Variants in HPSE2 observed in about 807,000 individuals in gnomAD.
HPSE2 encodes the protein inactive heparanase-2.
Under a neutral mutation model 60.5 loss-of-function variants are expected in HPSE2, and 38 were observed. The ratio of observed to expected loss-of-function variants is 0.63; its 90% CI spans 0.48 to 0.82. The LOEUF is 0.82. HPSE2 is among the 40% of genes least tolerant of loss of function. The probability of loss-of-function intolerance (pLI) is 0.00; values close to 1 mark genes in which losing one functional copy is unlikely to be tolerated. For missense variants in HPSE2, 713 were observed against 740.4 expected, an observed-to-expected ratio of 0.96 and a Z score of 0.43; for synonymous variants, 295 against 293.2, an observed-to-expected ratio of 1.01 and a Z score of -0.06.
chr10:99,310,584 G>A, the HPSE2 span, among the ~76,000 whole-genome samples: 1 of 152,110 alleles, frequency 6.6e-6, no homozygotes, highest in African/African-American at 2.4e-5. Flanking sequence ...CTACCCAGTG[G>A]AATGTAAATA....
chr10:98,674,657 G>A (rs910535801), intron 6 of HPSE2, among the ~76,000 whole-genome samples: 1 of 152,340 alleles, frequency 6.6e-6, no homozygotes, highest in Admixed American at 6.5e-5. Context: ...ATTCAGGTCT[G>A]TAATCCCAGC....
chr10:98,916,767 A>G (rs1335676395), intron 3 of HPSE2, among the ~76,000 whole-genome samples: 1 of 152,258 alleles, frequency 6.6e-6, no homozygotes, highest in Non-Finnish European at 1.5e-5. Flanking sequence ...ATAGTCAGAT[A>G]ATCTATTCTG....
In HPSE2 at chr10:98,458,694, G is replaced by A. The variant is rs1286095824; in HGVS notation, c.*880C>T. 1.3e-5 allele frequency: 2 copies of A among 152,038 alleles called. No individual in the cohort carries two copies. The highest frequency in any genetic ancestry group is 4.8e-5 in the African/African-American group (2 of 41,446). 9.4% of individuals were successfully genotyped at this position (152,038 alleles called of 1,614,324 possible). A position where few individuals can be genotyped will look rare whatever the true frequency, so the allele number is the denominator to read the frequency against. On this transcript the variant is annotated 3_prime_UTR_variant, in exon 12 of 12. Coordinates refer to ENST00000370552, the MANE Select transcript of HPSE2 (RefSeq NM_021828.5). ...GGTCTAATTTGCTTTGTCCAGTTGG[G>A]GTGTGTGTGTGTACCTGATGTTTCA...
chr10:98,590,209 G>A (rs1030927729), intron 9 of HPSE2, among the ~76,000 whole-genome samples: 1 of 152,240 alleles, frequency 6.6e-6, no homozygotes, highest in Non-Finnish European at 1.5e-5. Context: ...TTGGGAGGCC[G>A]AGGCAGGTGG....
chr10:98,900,930 A>G (rs1269883866), intron 3 of HPSE2, among the ~76,000 whole-genome samples: 1 of 152,232 alleles, frequency 6.6e-6, no homozygotes, highest in Non-Finnish European at 1.5e-5. Flanking sequence ...TATTAATAGT[A>G]GCTAAAAACT....
chr10:98,476,222 G>A (rs1355082005), intron 11 of HPSE2, among the ~76,000 whole-genome samples: 24 of 146,114 alleles, frequency 1.6e-4, no homozygotes, highest in Non-Finnish European at 2.3e-4. Context: ...CTAACACAAG[G>A]ACAAAAAACC....
At chr10:98,967,883 G>C (rs1277620627) in intron 3 of HPSE2, among the ~76,000 whole-genome samples, 2 of 151,918 alleles carry the variant, frequency 1.3e-5, no homozygotes, top group Non-Finnish European at 2.9e-5. Context: ...CAAAAGGAGA[G>C]GGAATATCTG....
At chr10:99,240,256 C>G (rs886308049), upstream of HPSE2, among the ~76,000 whole-genome samples, 1 of 151,974 alleles carries the variant, frequency 6.6e-6, no homozygotes, top group Non-Finnish European at 1.5e-5. Context: ...TCATCTCAGA[C>G]AAGTGGAAAT....
chr10:98,470,119 G>GTGTGTGTGTGTA (rs1435120102), intron 11 of HPSE2, among the ~76,000 whole-genome samples: 3 of 152,204 alleles, frequency 2.0e-5, no homozygotes, highest in African/African-American at 7.2e-5. Flanking sequence ...GTGTGTGTGT[G>GTGTGTGTGTGTA]TGTGTGTATG....
At chr10:98,802,841 TG>T (rs1343318082) in intron 3 of HPSE2, among the ~76,000 whole-genome samples, 1 of 144,110 alleles carries the variant, frequency 6.9e-6, no homozygotes, top group Non-Finnish European at 1.5e-5. Context: ...TACCCAGTAA[TG>T]GGATGGCTGG....
chr10:98,606,694 T>C (rs1945597107), intron 9 of HPSE2, among the ~76,000 whole-genome samples: 1 of 152,218 alleles, frequency 6.6e-6, no homozygotes, highest in African/African-American at 2.4e-5. Context: ...AGGTATCTAA[T>C]GACTGACAGA....
intron 3 of HPSE2, among the ~76,000 whole-genome samples, chr10:98,869,152 T>G (rs898298247): frequency 6.6e-6 from 1 of 152,182 alleles, no homozygotes; most frequent in African/African-American, 2.4e-5. Context: ...TAGTGATTTT[T>G]TTTTGTCTGC....
chr10:98,662,825 C>T (rs2134090454), intron 6 of HPSE2, among the ~76,000 whole-genome samples: 2 of 152,280 alleles, frequency 1.3e-5, no homozygotes, highest in South Asian at 4.1e-4. Flanking sequence ...TAATCAGCAT[C>T]TAATACATGC....
intron 7 of HPSE2, among the ~76,000 whole-genome samples, chr10:98,621,556 C>T (rs1946074544): frequency 6.6e-6 from 1 of 152,106 alleles, no homozygotes; most frequent in Admixed American, 6.5e-5. Context: ...GACTGGGGGA[C>T]TGAAATAGGG....
intron 3 of HPSE2, among the ~76,000 whole-genome samples, chr10:98,798,540 C>G (rs1158665465): frequency 6.6e-6 from 1 of 152,026 alleles, no homozygotes; most frequent in African/African-American, 2.4e-5. Context: ...ATAGGCAGTA[C>G]AGTAAGACAT....
intron 3 of HPSE2, among the ~76,000 whole-genome samples, chr10:99,080,247 A>G (rs1564790681): frequency 6.6e-6 from 1 of 152,158 alleles, no homozygotes; most frequent in Non-Finnish European, 1.5e-5. Context: ...TGTTGGCCTA[A>G]TATTCCTTGT....
At chr10:99,078,721 T>A (rs1254194576) in intron 3 of HPSE2, among the ~76,000 whole-genome samples, 2 of 152,228 alleles carry the variant, frequency 1.3e-5, no homozygotes, top group Non-Finnish European at 2.9e-5. Context: ...TATTCCTTTG[T>A]GTGGGACATA....
intron 3 of HPSE2, among the ~76,000 whole-genome samples, chr10:99,128,444 A>G (rs763719597): frequency 1.1e-4 from 16 of 152,172 alleles, no homozygotes; most frequent in Non-Finnish European, 2.1e-4. Flanking sequence ...CCCATCAATG[A>G]TAGACTGAAT....
chr10:98,749,033 A>G (rs1949692743), intron 3 of HPSE2, among the ~76,000 whole-genome samples: 1 of 152,184 alleles, frequency 6.6e-6, no homozygotes, highest in African/African-American at 2.4e-5. Context: ...AGAAGAAAAG[A>G]AACAAAATAG....
Sources: gnomAD v4.1 joint callset for allele counts (sites outside exome capture counted in the v4.1 genomes callset) on GRCh38, gnomAD v4.1.1 for gene constraint, MANE v1.5 for transcripts, NCBI Gene and HGNC (gene_info 2026-07-23, HGNC 2026-07-21) for gene names.